ATP2C1: variants seen among roughly 807,000 people sequenced by gnomAD.
ATP2C1 encodes the protein ATPase secretory pathway Ca2+ transporting 1.
ATP2C1 carries 31 observed loss-of-function variants against 120.5 expected under a neutral mutation model. The ratio of observed to expected loss-of-function variants is 0.26; its 90% CI spans 0.19 to 0.35. ATP2C1 has a LOEUF of 0.35. ATP2C1 is among the 10% of genes least tolerant of loss of function. The pLI, the probability that ATP2C1 is intolerant of heterozygous loss-of-function variation, is 1.00. For missense variants in ATP2C1, 731 were observed against 1,107.5 expected, an observed-to-expected ratio of 0.66 and a Z score of 4.83; for synonymous variants, 351 against 358.7, an observed-to-expected ratio of 0.98 and a Z score of 0.24.
intron 27 of ATP2C1, 113 bp downstream of exon 27, chr3:130,999,772 A>G: frequency 9.4e-7 from 1 of 1,062,068 alleles, no homozygotes; most frequent in Non-Finnish European, 1.4e-6. Context: ...AACTCACTTG[A>G]TTTGAAAAAG....
chr3:130,951,285 A>T (rs2060359266), intron 8 of ATP2C1, among the ~76,000 whole-genome samples: 1 of 152,196 alleles, frequency 6.6e-6, no homozygotes, highest in Admixed American at 6.5e-5. Context: ...CTGGAGTTAA[A>T]GTCTTTCAAC....
At chr3:130,916,768 C>T (rs1004019688) in intron 2 of ATP2C1, among the ~76,000 whole-genome samples, 1 of 152,008 alleles carries the variant, frequency 6.6e-6, no homozygotes. Context: ...CTCAATTTTT[C>T]TTTTTCTTTT....
At chr3:130,933,968 C>G (rs1252755675) in intron 4 of ATP2C1, among the ~76,000 whole-genome samples, 1 of 152,172 alleles carries the variant, frequency 6.6e-6, no homozygotes, top group African/African-American at 2.4e-5. Flanking sequence ...GGAAGAGATT[C>G]TAACATCAGA....
chr3:131,000,969 G>C (rs1318487954), intron 27 of ATP2C1, among the ~76,000 whole-genome samples: 1 of 152,020 alleles, frequency 6.6e-6, no homozygotes, highest in African/African-American at 2.4e-5. Flanking sequence ...CAGGTATGAT[G>C]GCACATGCCT....
intron 11 of ATP2C1, among the ~76,000 whole-genome samples, chr3:130,956,871 G>A (rs1022955133): frequency 6.6e-6 from 1 of 152,046 alleles, no homozygotes; most frequent in Admixed American, 6.6e-5. Context: ...ACCTGCCAAC[G>A]ATTTCTTTTG....
intron 1 of ATP2C1, among the ~76,000 whole-genome samples, chr3:130,873,467 A>G (rs2107783726): frequency 2.0e-5 from 3 of 152,340 alleles, no homozygotes; most frequent in East Asian, 3.9e-4. Flanking sequence ...TTCAGTGAGA[A>G]TTGATTCTCA....
rs2062966827 is a variant in ATP2C1 at position 131,003,073 on chromosome 3, T to G, written c.*1723T>G. 4.1e-6 allele frequency: 4 copies of G among 985,516 alleles called. No homozygotes were observed. Among genetic ancestry groups the G allele is most frequent in the Non-Finnish European group, 4.8e-6 (4 of 829,698 alleles). 61.0% of individuals were successfully genotyped at this position (985,516 alleles called of 1,614,324 possible). On this transcript the variant is annotated 3_prime_UTR_variant, in exon 28 of 28. Transcript: ENST00000510168. ...TTTGCTTTGCATTTTAGGTTCAGAT[T>G]ATGACTTGATTGAAATAAATGTGCC...
downstream of ATP2C1, among the ~76,000 whole-genome samples, chr3:131,007,244 G>C (rs1405560486): frequency 1.3e-5 from 2 of 152,186 alleles, no homozygotes; most frequent in Non-Finnish European, 2.9e-5. Flanking sequence ...TGATGTAACA[G>C]CCTGTGCTTG....
At chr3:130,918,397 C>A in intron 2 of ATP2C1, 2 of 1,233,536 alleles carry the variant, frequency 1.6e-6, no homozygotes, top group Non-Finnish European at 2.4e-6. Flanking sequence ...GGCTTTCCAG[C>A]TCCAGTTACC....
At chr3:130,925,757 G>T (rs2059174086) in intron 2 of ATP2C1, among the ~76,000 whole-genome samples, 1 of 151,404 alleles carries the variant, frequency 6.6e-6, no homozygotes, top group South Asian at 2.1e-4. Context: ...AGGAATAGGG[G>T]TGTCTCAGCC....
intron 2 of ATP2C1, among the ~76,000 whole-genome samples, chr3:130,898,199 G>A (rs2069805842): frequency 6.6e-6 from 1 of 152,170 alleles, no homozygotes; most frequent in Non-Finnish European, 1.5e-5. Context: ...ATAGTCTTCA[G>A]GATTTCAGGA....
chr3:130,943,695 AT>A (rs2060019046), intron 8 of ATP2C1, among the ~76,000 whole-genome samples: 1 of 152,112 alleles, frequency 6.6e-6, no homozygotes, highest in Non-Finnish European at 1.5e-5. Flanking sequence ...ATAGTTGAAC[AT>A]TTTTTATTCT....
chr3:131,016,495 A>C, exon 27 of ATP2C1: 2 of 805,778 alleles, frequency 2.5e-6, no homozygotes, highest in Non-Finnish European at 1.9e-6. Context: ...TTGCTGTATA[A>C]ATTGAAATAT....
intron 1 of ATP2C1, among the ~76,000 whole-genome samples, chr3:130,860,640 A>C (rs1295419397): frequency 6.6e-6 from 1 of 152,108 alleles, no homozygotes; most frequent in Non-Finnish European, 1.5e-5. Flanking sequence ...ATAAATGATG[A>C]CTCTGAGATT....
chr3:130,878,551 A>T (rs957766260), intron 1 of ATP2C1, among the ~76,000 whole-genome samples: 1 of 152,030 alleles, frequency 6.6e-6, no homozygotes, highest in African/African-American at 2.4e-5. Flanking sequence ...CAAATGTGGG[A>T]CTTTCTTAAG....
At chr3:130,941,040 G>A (rs2059877189) in intron 7 of ATP2C1, among the ~76,000 whole-genome samples, 1 of 145,706 alleles carries the variant, frequency 6.9e-6, no homozygotes, top group Non-Finnish European at 1.5e-5. Context: ...TCAGCCTCCT[G>A]AGTAGCTGGG....
chr3:130,923,504 A>G (rs1397539975), intron 2 of ATP2C1, among the ~76,000 whole-genome samples: 1 of 147,872 alleles, frequency 6.8e-6, no homozygotes, highest in East Asian at 2.2e-4. Context: ...GGCGTGAGCC[A>G]CCACACCTGG....
chr3:130,880,013 TTGG>T (rs2068732192), intron 1 of ATP2C1, among the ~76,000 whole-genome samples: 1 of 152,178 alleles, frequency 6.6e-6, no homozygotes, highest in Admixed American at 6.5e-5. Flanking sequence ...TAACCCCTAT[TTGG>T]TGTGGTGGTG....
At chr3:130,940,282 TTAACA>T (rs2059836276) in intron 6 of ATP2C1, among the ~76,000 whole-genome samples, 2 of 152,236 alleles carry the variant, frequency 1.3e-5, no homozygotes, top group African/African-American at 2.4e-5. Flanking sequence ...CATTAGACAC[TTAACA>T]TAAGATTATC....
Sources: gnomAD v4.1 joint callset for allele counts (sites outside exome capture counted in the v4.1 genomes callset) on GRCh38, gnomAD v4.1.1 for gene constraint, MANE v1.5 for transcripts, NCBI Gene and HGNC (gene_info 2026-07-23, HGNC 2026-07-21) for gene names.